COLEC12: variants seen among roughly 807,000 people sequenced by gnomAD.
COLEC12 encodes the protein collectin-12.
In COLEC12, 33 loss-of-function variants were observed where a neutral mutation model predicts 71.1. The observed-to-expected ratio is 0.46, with a 90% CI of 0.35 to 0.62. COLEC12 has a LOEUF of 0.62. COLEC12 is among the 20% of genes least tolerant of loss of function. COLEC12 has a pLI of 0.00. For synonymous variants in COLEC12, 350 were observed against 353.0 expected (o/e 0.99, Z 0.10); for missense variants, 765 against 916.1 (o/e 0.84, Z 2.13).
chr18:406,262 C>A (rs552923156), intron 2 of COLEC12, among the ~76,000 whole-genome samples: 28 of 152,134 alleles, frequency 1.8e-4, no homozygotes, highest in Non-Finnish European at 3.7e-4. Flanking sequence ...GTAATCCCAG[C>A]ACTTTGGGAG....
intron 1 of COLEC12, among the ~76,000 whole-genome samples, chr18:498,948 C>G (rs1395227294): frequency 6.6e-6 from 1 of 152,162 alleles, no homozygotes; most frequent in Non-Finnish European, 1.5e-5. Context: ...ACAAAAGTTT[C>G]AGGGTTTAAG....
At chr18:477,567 C>T (rs573669482) in intron 2 of COLEC12, among the ~76,000 whole-genome samples, 45 of 152,294 alleles carry the variant, frequency 3.0e-4, no homozygotes, top group African/African-American at 1.0e-3. Flanking sequence ...GTTTTCAGGT[C>T]TGTCACACTT....
At chr18:475,289 T>C (rs1417268081) in intron 2 of COLEC12, among the ~76,000 whole-genome samples, 1 of 152,100 alleles carries the variant, frequency 6.6e-6, no homozygotes, top group African/African-American at 2.4e-5. Flanking sequence ...AAGGTGCCTC[T>C]GGAAGGACAG....
At position 480,782 on chromosome 18, in the gene COLEC12, G is replaced by A. The variant is rs766102935; in HGVS notation, c.8-25C>T. ...TCTGTGAGAGAAGAAGAGACACGAT[G>A]TTAATCCTGGCAAGGGGCACAGAAG... On this transcript the variant is annotated intron_variant, in intron 1 of 9. Coordinates refer to ENST00000400256, the MANE Select transcript of COLEC12 (RefSeq NM_130386.3). This position sits in a 1 kb window ranked among gnomAD's most constrained non-coding sequence, Gnocchi z 4.1. The A allele has an allele frequency of 3.7e-6, 6 of 1,608,952 alleles. No individual in the cohort carries two copies. The African/African-American group carries it at 6.7e-5, about 18-fold the overall frequency.
At chr18:447,039 C>T (rs762832635) in intron 2 of COLEC12, among the ~76,000 whole-genome samples, 1 of 152,200 alleles carries the variant, frequency 6.6e-6, no homozygotes, top group Non-Finnish European at 1.5e-5. Flanking sequence ...AAGGGCTCCT[C>T]TGGCTCCTGT....
chr18:337,204 G>T (rs758505980), intron 5 of COLEC12, among the ~76,000 whole-genome samples: 25 of 151,812 alleles, frequency 1.6e-4, no homozygotes, highest in Non-Finnish European at 2.5e-4. Context: ...AGCCTCTAAA[G>T]TTAGAAGGAT....
chr18:332,325 A>G (rs1047722257), intron 7 of COLEC12, among the ~76,000 whole-genome samples: 7 of 152,116 alleles, frequency 4.6e-5, no homozygotes, highest in African/African-American at 1.7e-4. Context: ...TGTTTACAGG[A>G]TTGTGTCTGC....
intron 2 of COLEC12, among the ~76,000 whole-genome samples, chr18:363,677 C>G (rs940381405): frequency 6.6e-6 from 1 of 152,082 alleles, no homozygotes; most frequent in Non-Finnish European, 1.5e-5. Context: ...GAGTTAACAA[C>G]CCGGTTAGTT....
intron 2 of COLEC12, among the ~76,000 whole-genome samples, chr18:422,897 A>G (rs1373895480): frequency 6.6e-6 from 1 of 152,220 alleles, no homozygotes; most frequent in Non-Finnish European, 1.5e-5. Context: ...GTTTTTAGAA[A>G]TAAGACACAA....
At position 329,614 on chromosome 18, in the gene COLEC12, G is replaced by A. The variant is rs572729289; in HGVS notation, c.2063+2054C>T. Among the ~76,000 whole-genome samples, 7 of 152,260 alleles carry A rather than the reference G, an allele frequency of 4.6e-5. No homozygotes were observed. The South Asian group carries it at 8.3e-4, about 18-fold the overall frequency. On this transcript the variant is annotated intron_variant, in intron 8 of 9. Transcript: ENST00000400256. ...GTCTCAAGTGCCAGATTATGCCAGG[G>A]GGTACCCCTTCCTCTCCCCAGGACA... is the stretch of plus-strand genomic sequence containing the variant.
intron 2 of COLEC12, among the ~76,000 whole-genome samples, chr18:463,938 C>A (rs183676485): frequency 6.6e-6 from 1 of 152,176 alleles, no homozygotes; most frequent in African/African-American, 2.4e-5. Flanking sequence ...TGGCCCATTC[C>A]CTGCACCTGC....
At chr18:400,268 T>C (rs1915656002) in intron 2 of COLEC12, among the ~76,000 whole-genome samples, 1 of 152,132 alleles carries the variant, frequency 6.6e-6, no homozygotes, top group Non-Finnish European at 1.5e-5. Flanking sequence ...CCAATTGTGT[T>C]CAACAGTTTA....
intron 2 of COLEC12, among the ~76,000 whole-genome samples, chr18:397,277 C>T (rs1915591670): frequency 6.6e-6 from 1 of 152,186 alleles, no homozygotes; most frequent in African/African-American, 2.4e-5. Context: ...ATGACATTCC[C>T]TAAGCAGTAG....
rs1251894855 is a variant in COLEC12, at chr18:319,006, G to A, written c.*1039C>T. The A allele has an allele frequency of 4.6e-5, 7 of 152,080 alleles. No individual in the cohort carries two copies. The highest frequency in any genetic ancestry group is 1.7e-4 in the African/African-American group (7 of 41,372). The allele number at this position is 152,080 out of a possible 1,614,324, so 9.4% of individuals were successfully genotyped here. ...GTTAATGTTGGCTCTGTAGGGATCT[G>A]ATGCCAAGTACAGTCATAGCTCAGC... On this transcript the variant is annotated 3_prime_UTR_variant, in exon 10 of 10. Transcript: ENST00000400256.
In COLEC12 at chr18:341,281, C is replaced by T. The variant is rs150772578; in HGVS notation, c.1327+5014G>A. Among the ~76,000 whole-genome samples the T allele has an allele frequency of 1.6e-4, 24 of 152,326 alleles. No homozygotes were observed. The East Asian group carries it at 4.6e-3, about 29-fold the overall frequency. On this transcript the variant is annotated intron_variant, in intron 5 of 9. Transcript: ENST00000400256. ...TGTCTGCCATTTACTAGTTGTTTGG[C>T]CTTGGGTAAGTTACTCAGGCTCTCT...
At chr18:381,357 G>T (rs965758697) in intron 2 of COLEC12, among the ~76,000 whole-genome samples, 4 of 152,146 alleles carry the variant, frequency 2.6e-5, no homozygotes, top group African/African-American at 9.7e-5. Context: ...ATAAAGAAAT[G>T]ATAAATACTT....
intron 7 of COLEC12, among the ~76,000 whole-genome samples, chr18:332,665 C>G (rs1914010950): frequency 6.6e-6 from 1 of 152,182 alleles, no homozygotes; most frequent in East Asian, 1.9e-4. Context: ...CCTTGCACCC[C>G]ACTCCATCCC....
intron 1 of COLEC12, among the ~76,000 whole-genome samples, chr18:484,618 T>C (rs1465585838): frequency 6.6e-6 from 1 of 152,192 alleles, no homozygotes; most frequent in Non-Finnish European, 1.5e-5. Context: ...TGGAAAACAC[T>C]GCATATTACA....
At chr18:445,852 G>A (rs750203400) in intron 2 of COLEC12, among the ~76,000 whole-genome samples, 3 of 151,992 alleles carry the variant, frequency 2.0e-5, no homozygotes, top group South Asian at 4.1e-4. Context: ...GGCTGGTCTC[G>A]AACTCCTGAG....
Sources: gnomAD v4.1 joint callset for allele counts (sites outside exome capture counted in the v4.1 genomes callset) on GRCh38, gnomAD v4.1.1 for gene constraint, Gnocchi (gnomAD v3.1) non-coding constraint, MANE v1.5 for transcripts, NCBI Gene and HGNC (gene_info 2026-07-23, HGNC 2026-07-21) for gene names.